WFDC11: variants seen among roughly 807,000 people sequenced by gnomAD.
WFDC11 encodes protein WFDC11.
A neutral mutation model predicts 9.9 loss-of-function variants in WFDC11; 9 were observed. The ratio of observed to expected loss-of-function variants is 0.91; its 90% CI spans 0.55 to 1.58. The LOEUF is 1.58. WFDC11 is among the 40% of genes most tolerant of loss of function. The probability of loss-of-function intolerance (pLI) is 0.00; values close to 1 mark genes in which losing one functional copy is unlikely to be tolerated. For missense variants in WFDC11, 106 were observed against 101.7 expected (o/e 1.04, Z -0.18); for synonymous variants, 32 against 33.3 (o/e 0.96, Z 0.13).
chr20:45,656,113 C>T (rs901431863), intron 2 of WFDC11, among the ~76,000 whole-genome samples: 2 of 151,704 alleles, frequency 1.3e-5, no homozygotes, highest in Admixed American at 6.6e-5. Context: ...CAAAAAAGAG[C>T]CCACATCGCC....
At chr20:45,649,476 T>C in intron 3 of WFDC11, 77 bp from the exon 4 acceptor site, 3 of 1,538,184 alleles carry the variant, frequency 2.0e-6, no homozygotes, top group Non-Finnish European at 2.6e-6. Flanking sequence ...TTCATACGTT[T>C]AACAGTTCCT....
chr20:45,650,618 T>C lies in WFDC11; in HGVS notation c.-18A>G. ...CTGACCATATGTGTCTGAATATGTGTTGTCAGAAGGATTATTTTTCTTCCC... is the reference window on the plus strand; with the variant it reads ...CTGACCATATGTGTCTGAATATGTGCTGTCAGAAGGATTATTTTTCTTCCC... On this transcript the variant is annotated 5_prime_UTR_variant, in exon 3 of 5. Transcript: ENST00000324384. 1.9e-6 allele frequency: 3 copies of C among 1,602,586 alleles called. No individual in the cohort carries two copies. The highest frequency in any genetic ancestry group is 2.7e-5 in the African/African-American group (2 of 74,712).
At chr20:45,650,221 C>T (rs1003582996) in intron 3 of WFDC11, among the ~76,000 whole-genome samples, 3 of 121,662 alleles carry the variant, frequency 2.5e-5, no homozygotes, top group Admixed American at 9.4e-5. Context: ...TACACACACA[C>T]ACACACACAT....
intron 2 of WFDC11, among the ~76,000 whole-genome samples, chr20:45,666,082 T>G (rs1027077833): frequency 6.6e-6 from 1 of 152,208 alleles, no homozygotes; most frequent in African/African-American, 2.4e-5. Context: ...CTCTGCCTAA[T>G]TTGAGCTTCC....
chr20:45,659,283 A>G (rs929726102), intron 2 of WFDC11, among the ~76,000 whole-genome samples: 1 of 152,208 alleles, frequency 6.6e-6, no homozygotes, highest in Non-Finnish European at 1.5e-5. Flanking sequence ...TTGAGGAATC[A>G]CCACACTGTC....
chr20:45,653,344 G>A (rs1332192731), intron 2 of WFDC11, among the ~76,000 whole-genome samples: 1 of 151,986 alleles, frequency 6.6e-6, no homozygotes, highest in Admixed American at 6.5e-5. Flanking sequence ...CATAAGTGAA[G>A]GAGAAATAAA....
intron 2 of WFDC11, among the ~76,000 whole-genome samples, chr20:45,653,499 G>A (rs1219589962): frequency 1.3e-5 from 2 of 151,916 alleles, no homozygotes; most frequent in Non-Finnish European, 2.9e-5. Flanking sequence ...AAAGACCATC[G>A]AGACTAGGAA....
In WFDC11 at chr20:45,648,622, G is replaced by T; in HGVS notation, c.*97C>A. The T allele has an allele frequency of 7.7e-7, 1 of 1,300,102 alleles. No individual in the cohort carries two copies. The highest frequency in any genetic ancestry group is 1.2e-5 in the South Asian group (1 of 80,402). The allele number at this position is 1,300,102 out of a possible 1,614,324, so 80.5% of individuals were successfully genotyped here. On this transcript the variant is annotated 3_prime_UTR_variant, in exon 5 of 5. Coordinates refer to ENST00000324384, the MANE Select transcript of WFDC11 (RefSeq NM_147197.2). The stretch of plus-strand genomic sequence containing the variant: ...TGTTGTCCAGCTCTCAGTAAAAATA[G>T]ACTGGTGTTCCTAAAAGTAGCCACA...
At chr20:45,649,740 T>A (rs980569274) in intron 3 of WFDC11, among the ~76,000 whole-genome samples, 5 of 152,158 alleles carry the variant, frequency 3.3e-5, no homozygotes, top group African/African-American at 1.2e-4. Flanking sequence ...TGCATTTACA[T>A]AACAGGAGAT....
chr20:45,651,248 A>G (rs1568660983), intron 2 of WFDC11, among the ~76,000 whole-genome samples: 1 of 152,206 alleles, frequency 6.6e-6, no homozygotes, highest in Non-Finnish European at 1.5e-5. Flanking sequence ...ATTATACACC[A>G]TATATATAGA....
chr20:45,660,169 G>C (rs1021353220), intron 2 of WFDC11, among the ~76,000 whole-genome samples: 1 of 152,120 alleles, frequency 6.6e-6, no homozygotes, highest in Non-Finnish European at 1.5e-5. Context: ...GAACTTTCCT[G>C]TTAGCACTGC....
Position 45,650,763 on chromosome 20 carries a change from C to T in WFDC11, c.-51-112G>A. ...CTATTCCCCCTAGGCCTCTGCCTAC[C>T]CAACAACTGGCACACCTAAGCTGAG... On this transcript the variant is annotated intron_variant, in intron 2 of 4. Coordinates refer to ENST00000324384, the MANE Select transcript of WFDC11 (RefSeq NM_147197.2). The T allele has an allele frequency of 6.7e-6, 4 of 594,218 alleles. No homozygotes were observed. In the South Asian group the frequency reaches 9.2e-5, roughly 14 times the overall value. The allele number at this position is 594,218 out of a possible 1,614,324, so 36.8% of individuals were successfully genotyped here. A position where few individuals can be genotyped will look rare whatever the true frequency, so the allele number is the denominator to read the frequency against.
In WFDC11 at chr20:45,649,296, G is replaced by A; in HGVS notation, c.204C>T (p.Cys68=). 6.2e-7 allele frequency: 1 copy of A among 1,614,106 alleles called. No individual in the cohort carries two copies. The highest frequency in any genetic ancestry group is 8.5e-7 in the Non-Finnish European group (1 of 1,180,008). The change falls in exon 4 of 5, where the codon TGC becomes TGT. Residue 68 remains cysteine (C), a synonymous_variant. Coordinates refer to ENST00000324384, the MANE Select transcript of WFDC11 (RefSeq NM_147197.2). ...AFRCKDKNYT[C]CWTYCGNICW... Reference sequence around the variant, plus strand: ...AGATGTTTCCACAATAGGTCCAGCAGCATGTGTAATTTTTGTCTTTACATC... The same window carrying A: ...AGATGTTTCCACAATAGGTCCAGCAACATGTGTAATTTTTGTCTTTACATC...
intron 2 of WFDC11, among the ~76,000 whole-genome samples, chr20:45,661,982 G>A (rs932808923): frequency 6.6e-6 from 1 of 152,096 alleles, no homozygotes; most frequent in African/African-American, 2.4e-5. Flanking sequence ...GATGTGGATG[G>A]CATTGAATCT....
chr20:45,649,051 A>G (rs1401498208), intron 4 of WFDC11, among the ~76,000 whole-genome samples: 2 of 152,252 alleles, frequency 1.3e-5, no homozygotes, highest in East Asian at 3.8e-4. Flanking sequence ...GGTATTGATT[A>G]TATAATGAAA....
At chr20:45,664,208 T>G (rs1432559261) in intron 2 of WFDC11, among the ~76,000 whole-genome samples, 1 of 152,230 alleles carries the variant, frequency 6.6e-6, no homozygotes, top group Non-Finnish European at 1.5e-5. Context: ...CTTTGTTGGT[T>G]TAAAGTCTGT....
At chr20:45,650,025 C>T (rs1446511890) in intron 3 of WFDC11, among the ~76,000 whole-genome samples, 1 of 152,098 alleles carries the variant, frequency 6.6e-6, no homozygotes, top group African/African-American at 2.4e-5. Flanking sequence ...ATTCTGAAAG[C>T]CTTGCCACTG....
intron 2 of WFDC11, among the ~76,000 whole-genome samples, chr20:45,652,155 C>T (rs1425769103): frequency 1.3e-5 from 2 of 152,202 alleles, no homozygotes; most frequent in East Asian, 3.8e-4. Flanking sequence ...GTCCCTGACC[C>T]CCGAGTAGCC....
At chr20:45,661,689 G>T (rs1394990315) in intron 2 of WFDC11, among the ~76,000 whole-genome samples, 3 of 152,010 alleles carry the variant, frequency 2.0e-5, no homozygotes, top group Admixed American at 6.5e-5. Context: ...TTTCCCCATT[G>T]CTTGTTTTTC....
Sources: allele counts gnomAD v4.1 joint callset (sites outside exome capture counted in the v4.1 genomes callset), GRCh38; gene constraint gnomAD v4.1.1; transcripts MANE v1.5; gene names NCBI Gene and HGNC (gene_info 2026-07-23, HGNC 2026-07-21).